The following CCDC18 variants were observed in gnomAD, a reference collection of about 807,000 sequenced individuals.
CCDC18 encodes coiled-coil domain containing 18.
Under a neutral mutation model 196.0 loss-of-function variants are expected in CCDC18, and 157 were observed. The observed-to-expected ratio is 0.80, with a 90% confidence interval of 0.70 to 0.91. The LOEUF (loss-of-function observed/expected upper bound fraction) is 0.91, where lower values mean the gene tolerates loss of function less well. Ranked by LOEUF, CCDC18 falls within the 40% of genes least tolerant of loss-of-function variation. The pLI, the probability that CCDC18 is intolerant of heterozygous loss-of-function variation, is 0.00. For missense variants in CCDC18, 1,465 were observed against 1,611.6 expected, an observed-to-expected ratio of 0.91 and a Z score of 1.56; for synonymous variants, 482 against 529.2, an observed-to-expected ratio of 0.91 and a Z score of 1.22.
chr1:93,196,825 C>T (rs899138616), intron 6 of CCDC18, among the ~76,000 whole-genome samples: 1 of 152,102 alleles, frequency 6.6e-6, no homozygotes, highest in Non-Finnish European at 1.5e-5. Context: ...AGATTGATGT[C>T]GTATGTATTA....
intron 12 of CCDC18, among the ~76,000 whole-genome samples, chr1:93,215,770 T>C (rs1656388412): frequency 6.6e-6 from 1 of 152,206 alleles, no homozygotes; most frequent in African/African-American, 2.4e-5. Flanking sequence ...TCTGTATTTT[T>C]ATTTTTTGTG....
intron 16 of CCDC18, among the ~76,000 whole-genome samples, chr1:93,223,403 A>G (rs756055585): frequency 3.9e-5 from 6 of 152,228 alleles, no homozygotes; most frequent in Non-Finnish European, 8.8e-5. Context: ...TATTTATAGC[A>G]GCAAAATAGA....
At chr1:93,190,735 A>G in intron 4 of CCDC18, 2 of 509,822 alleles carry the variant, frequency 3.9e-6, no homozygotes, top group South Asian at 2.4e-5. Flanking sequence ...AACAAAAGAT[A>G]ACACTTAGAA....
At chr1:93,242,248 T>C (rs553475213) in intron 21 of CCDC18, among the ~76,000 whole-genome samples, 103 of 152,290 alleles carry the variant, frequency 6.8e-4, no homozygotes, top group Non-Finnish European at 1.2e-3. Context: ...GAAAGAAGTT[T>C]AATGGACTCA....
chr1:93,211,573 A>G (rs1326693176), intron 10 of CCDC18, among the ~76,000 whole-genome samples: 1 of 152,212 alleles, frequency 6.6e-6, no homozygotes, highest in African/African-American at 2.4e-5. Context: ...GTTTACACAC[A>G]TGTACACAAA....
chr1:93,222,456 A>G (rs1290043539), intron 16 of CCDC18, among the ~76,000 whole-genome samples: 1 of 152,220 alleles, frequency 6.6e-6, no homozygotes, highest in Non-Finnish European at 1.5e-5. Flanking sequence ...GAGGAAGAGA[A>G]AACTAAAAGT....
Position 93,212,143 on chromosome 1 carries a change from T to G in CCDC18, c.1377T>G (p.His459Gln). 6.2e-7 allele frequency: 1 copy of G among 1,609,804 alleles called. No individual in the cohort carries two copies. The highest frequency in any genetic ancestry group is 1.1e-5 in the South Asian group (1 of 89,660). The change falls in exon 11 of 29, where the codon CAT (histidine) becomes CAG (glutamine). Residue 459 changes from histidine (H) to glutamine (Q), a missense_variant. Coordinates refer to ENST00000690025, the MANE Select transcript of CCDC18 (RefSeq NM_001378204.1). ...AIKEAEIQKL[H>Q]ANLTANQLSQ... ...AAGAGGCAGAAATTCAAAAGCTTCA[T>G]GCAAACCTGACTGCAAATCAGTTAT...
Position 93,183,001 on chromosome 1 carries a change from A to G in CCDC18, c.-2-359A>G, listed in dbSNP as rs140044150. Among the ~76,000 whole-genome samples, 810 of 152,274 alleles carry G rather than the reference A, an allele frequency of 5.3e-3. 9 individuals carry two copies. The highest frequency in any genetic ancestry group is 0.018 in the African/African-American group (768 of 41,582). ...GATTCAAATCTTGATTTCACCATTT[A>G]CAGTTTGTGTGACTTTGAGCAAGTT... On this transcript the variant is annotated intron_variant, in intron 1 of 28. Coordinates refer to ENST00000690025, the MANE Select transcript of CCDC18 (RefSeq NM_001378204.1).
intron 16 of CCDC18, among the ~76,000 whole-genome samples, chr1:93,224,659 A>G (rs1658007357): frequency 6.6e-6 from 1 of 152,194 alleles, no homozygotes; most frequent in Admixed American, 6.5e-5. Context: ...AAGGGCATAC[A>G]TTTTCATTGA....
At chr1:93,184,841 AGCTG>A (rs1485701133) in intron 3 of CCDC18, among the ~76,000 whole-genome samples, 1 of 152,026 alleles carries the variant, frequency 6.6e-6, no homozygotes, top group Non-Finnish European at 1.5e-5. Flanking sequence ...TGCTTAATGA[AGCTG>A]TCTGAATCTA....
chr1:93,251,866 C>T (rs1039277270), intron 23 of CCDC18, among the ~76,000 whole-genome samples: 47 of 152,254 alleles, frequency 3.1e-4, no homozygotes, highest in African/African-American at 1.1e-3. Flanking sequence ...AAGCTTTCTA[C>T]CCCTTTGTCT....
chr1:93,240,421 G>A (rs1178983774), intron 21 of CCDC18, among the ~76,000 whole-genome samples: 1 of 152,168 alleles, frequency 6.6e-6, no homozygotes, highest in East Asian at 1.9e-4. Context: ...TAGATTAGCA[G>A]TATAACATAA....
At chr1:93,189,636 A>G (rs1445159408) in intron 4 of CCDC18, among the ~76,000 whole-genome samples, 1 of 152,036 alleles carries the variant, frequency 6.6e-6, no homozygotes, top group African/African-American at 2.4e-5. Context: ...AACATTTGTT[A>G]TTACCTGTCT....
intron 27 of CCDC18, 111 bp downstream of exon 27, chr1:93,265,012 T>G: frequency 4.3e-6 from 3 of 690,782 alleles, no homozygotes; most frequent in Non-Finnish European, 7.5e-6. Context: ...ATTGGCCTGT[T>G]TGAATAAAAA....
rs145442293 is a variant in CCDC18 at position 93,245,833 on chromosome 1, C to T, written c.2982-272C>T. On this transcript the variant is annotated intron_variant, in intron 21 of 28. Coordinates refer to ENST00000690025, the MANE Select transcript of CCDC18 (RefSeq NM_001378204.1). The stretch of plus-strand genomic sequence containing the variant: ...CTTATAATCATTCAATCTTGGAGTC[C>T]TGGGAGTGTTTTAGCAATTAGCTTA... Among the ~76,000 whole-genome samples, 810 of 151,998 alleles carry T rather than the reference C, an allele frequency of 5.3e-3. 8 individuals carry two copies. Among genetic ancestry groups the T allele is most frequent in the African/African-American group, 0.019 (768 of 41,488 alleles).
chr1:93,181,873 C>T (rs1649772906), intron 1 of CCDC18, among the ~76,000 whole-genome samples: 1 of 152,196 alleles, frequency 6.6e-6, no homozygotes, highest in African/African-American at 2.4e-5. Flanking sequence ...CCTTGACCTC[C>T]CAAAGTGCTG....
At chr1:93,223,900 TACACACACACACACACAC>T (rs60165485) in intron 16 of CCDC18, among the ~76,000 whole-genome samples, 101 of 141,362 alleles carry the variant, frequency 7.1e-4, no homozygotes, top group East Asian at 1.0e-3. Flanking sequence ...CATTTATTTA[TACACACACACACACACAC>T]ACACACACAC....
At chr1:93,265,710 A>G (rs996861233) in intron 27 of CCDC18, among the ~76,000 whole-genome samples, 1 of 152,216 alleles carries the variant, frequency 6.6e-6, no homozygotes, top group Non-Finnish European at 1.5e-5. Context: ...CCATTACATA[A>G]TGGTAAAGGG....
intron 18 of CCDC18, among the ~76,000 whole-genome samples, chr1:93,235,598 G>C (rs1392001420): frequency 6.6e-6 from 1 of 152,160 alleles, no homozygotes; most frequent in Non-Finnish European, 1.5e-5. Context: ...GTAGTAGGTA[G>C]AGGGAGGTCA....
Sources: gnomAD v4.1 joint callset for allele counts (sites outside exome capture counted in the v4.1 genomes callset) on GRCh38, gnomAD v4.1.1 for gene constraint, MANE v1.5 for transcripts, NCBI Gene and HGNC (gene_info 2026-07-23, HGNC 2026-07-21) for gene names.